Variants in ABI3BP observed in about 807,000 individuals in gnomAD.
ABI3BP encodes ABI family member 3 binding protein, also known as target of Nesh-SH3.
ABI3BP carries 216 observed loss-of-function variants against 268.6 expected under a neutral mutation model. That is an observed-to-expected ratio of 0.80 (90% confidence interval 0.72 to 0.90). The LOEUF (loss-of-function observed/expected upper bound fraction) is 0.90, where lower values mean the gene tolerates loss of function less well. Among genes scored for constraint, ABI3BP ranks in the 40% least tolerant of loss-of-function variants. The pLI, the probability that ABI3BP is intolerant of heterozygous loss-of-function variation, is 0.00. For synonymous variants in ABI3BP, 730 were observed against 730.0 expected, an observed-to-expected ratio of 1.00 and a Z score of 0.00; for missense variants, 2,090 against 2,182.4, an observed-to-expected ratio of 0.96 and a Z score of 0.84.
chr3:100,819,947 C>CAAAAAAAAA, intron 40 of ABI3BP, among the ~76,000 whole-genome samples: 1 of 94,640 alleles, frequency 1.1e-5, no homozygotes, highest in Non-Finnish European at 2.2e-5. Flanking sequence ...GACTCCGTCT[C>CAAAAAAAAA]AAAAAAAAAA....
At position 100,775,074 on chromosome 3, in the gene ABI3BP, A is replaced by G. The variant is rs115098152; in HGVS notation, c.4462+133T>C. The G allele has an allele frequency of 1.9e-3, 2,022 of 1,087,556 alleles. 31 individuals are homozygous for G. The African/African-American group carries it at 0.03, about 16-fold the overall frequency. The allele number at this position is 1,087,556 out of a possible 1,614,324, so 67.4% of individuals were successfully genotyped here. ...GAAAATAAGTATTATTTTAAAATTAAAAACAACCATATTAATCATAAAATG... is the reference window on the plus strand; with the variant it reads ...GAAAATAAGTATTATTTTAAAATTAGAAACAACCATATTAATCATAAAATG... On this transcript the variant is annotated intron_variant, in intron 60 of 67. Transcript: ENST00000471714.
intron 57 of ABI3BP, among the ~76,000 whole-genome samples, chr3:100,781,507 G>A (rs920167299): frequency 6.6e-6 from 1 of 152,134 alleles, no homozygotes; most frequent in Non-Finnish European, 1.5e-5. Flanking sequence ...ACAGGCAAAT[G>A]GTTCATTAGT....
chr3:100,766,290 C>T (rs534126008), intron 62 of ABI3BP, among the ~76,000 whole-genome samples: 2 of 152,344 alleles, frequency 1.3e-5, no homozygotes, highest in Admixed American at 1.3e-4. Context: ...TCTGCCGCTG[C>T]TGCAAAGCCC....
chr3:100,750,477 G>C lies in ABI3BP; in HGVS notation c.*18C>G. The C allele has an allele frequency of 6.4e-7, 1 of 1,570,466 alleles. No individual in the cohort carries two copies. The highest frequency in any genetic ancestry group is 1.7e-4 in the Middle Eastern group (1 of 5,974). Reference sequence around the variant, plus strand: ...TTTTGTTTGCAATGATGAAACAGAAGGTAACTTTGTGCAGCATCTACCATT... The same window carrying C: ...TTTTGTTTGCAATGATGAAACAGAACGTAACTTTGTGCAGCATCTACCATT... On this transcript the variant is annotated 3_prime_UTR_variant, in exon 68 of 68. Coordinates refer to ENST00000471714, the MANE Select transcript of ABI3BP (RefSeq NM_001375547.2).
chr3:100,828,742 C>T (rs1227022018), intron 33 of ABI3BP, among the ~76,000 whole-genome samples: 2 of 152,060 alleles, frequency 1.3e-5, no homozygotes, highest in African/African-American at 4.8e-5. Flanking sequence ...ACTAATAGAG[C>T]ATAGTAGATG....
intron 63 of ABI3BP, among the ~76,000 whole-genome samples, chr3:100,765,017 C>G (rs2096202721): frequency 6.6e-6 from 1 of 151,974 alleles, no homozygotes; most frequent in South Asian, 2.1e-4. Flanking sequence ...AGAAGAGTCT[C>G]CCTACTGTCA....
Position 100,764,248 on chromosome 3 carries a change from C to T in ABI3BP, c.4850+1593G>A, listed in dbSNP as rs115176883. Among the ~76,000 whole-genome samples, 547 of 152,256 alleles carry T rather than the reference C, an allele frequency of 3.6e-3. 4 individuals carry two copies. The highest frequency in any genetic ancestry group is 0.012 in the African/African-American group (515 of 41,542). On this transcript the variant is annotated intron_variant, in intron 63 of 67. Coordinates refer to ENST00000471714, the MANE Select transcript of ABI3BP (RefSeq NM_001375547.2). Reference sequence around the variant, plus strand: ...GGAAGATTTTCCTAATTTCTGATGACGTTGCGTAGTGCCTCCCACCCTGGG... The same window carrying T: ...GGAAGATTTTCCTAATTTCTGATGATGTTGCGTAGTGCCTCCCACCCTGGG...
At chr3:100,955,539 C>T (rs989625552) in intron 1 of ABI3BP, among the ~76,000 whole-genome samples, 1 of 152,142 alleles carries the variant, frequency 6.6e-6, no homozygotes, top group Non-Finnish European at 1.5e-5. Flanking sequence ...TATTCTCTGC[C>T]TGTATCCTCC....
intron 14 of ABI3BP, among the ~76,000 whole-genome samples, chr3:100,853,859 T>C (rs7619557): frequency 0.34 from 51,771 of 151,944 alleles, 9,234 homozygotes; most frequent in African/African-American, 0.43. Context: ...TTATCAAATA[T>C]ACTTAAGACA....
At chr3:100,827,048 G>C (rs1417405683) in intron 34 of ABI3BP, among the ~76,000 whole-genome samples, 1 of 152,046 alleles carries the variant, frequency 6.6e-6, no homozygotes, top group Non-Finnish European at 1.5e-5. Flanking sequence ...TGCAAATTGT[G>C]ATGTGACTTC....
At chr3:100,792,951 C>G (rs1207185810) in intron 54 of ABI3BP, among the ~76,000 whole-genome samples, 183 bp from the exon 55 acceptor site, 7 of 151,868 alleles carry the variant, frequency 4.6e-5, no homozygotes, top group African/African-American at 1.7e-4. Context: ...TTTATGATAT[C>G]TGCTGTTTTA....
At chr3:100,811,453 AT>A (rs1448493972) in intron 47 of ABI3BP, among the ~76,000 whole-genome samples, 176 bp from the exon 48 acceptor site, 8 of 152,270 alleles carry the variant, frequency 5.3e-5, no homozygotes, top group South Asian at 2.1e-4. Context: ...TAATCCTCCA[AT>A]TAATATTTAT....
intron 2 of ABI3BP, among the ~76,000 whole-genome samples, chr3:100,923,721 G>A (rs2060967134): frequency 6.6e-6 from 1 of 152,100 alleles, no homozygotes; most frequent in Non-Finnish European, 1.5e-5. Context: ...AAATTAAAAA[G>A]CAGATGAGAG....
chr3:100,895,854 G>T (rs939714910), intron 4 of ABI3BP, among the ~76,000 whole-genome samples: 2 of 152,264 alleles, frequency 1.3e-5, no homozygotes, highest in East Asian at 1.9e-4. Flanking sequence ...TGTAGTTCTG[G>T]CAGATTTATT....
At chr3:100,984,701 G>A (rs963130895) in intron 1 of ABI3BP, among the ~76,000 whole-genome samples, 4 of 152,190 alleles carry the variant, frequency 2.6e-5, no homozygotes, top group Admixed American at 6.5e-5. Context: ...GGAAACCCAA[G>A]CTAATATTAT....
intron 1 of ABI3BP, among the ~76,000 whole-genome samples, chr3:100,949,014 A>G (rs1297267407): frequency 6.6e-6 from 1 of 152,178 alleles, no homozygotes; most frequent in Non-Finnish European, 1.5e-5. Flanking sequence ...GTTCTTCCAG[A>G]TAGTTTTTCC....
chr3:100,831,640 A>C (rs2098496126), intron 31 of ABI3BP, among the ~76,000 whole-genome samples: 1 of 152,086 alleles, frequency 6.6e-6, no homozygotes, highest in African/African-American at 2.4e-5. Flanking sequence ...ACAGGAGGGT[A>C]TCAACGAGTT....
chr3:100,825,003 T>G lies in ABI3BP; in HGVS notation c.2663-62A>C, dbSNP rs1463899582. 26 of 1,394,016 alleles carry G rather than the reference T, an allele frequency of 1.9e-5. No homozygotes were observed. The East Asian group carries it at 2.3e-4, about 12-fold the overall frequency. The allele number at this position is 1,394,016 out of a possible 1,614,324, so 86.4% of individuals were successfully genotyped here. ...TATGATTCTGGATACTGAGGAAAGG[T>G]TTTTCCAAAGCTTGTCAGATCTCCT... On this transcript the variant is annotated intron_variant, in intron 35 of 67. Coordinates refer to ENST00000471714, the MANE Select transcript of ABI3BP (RefSeq NM_001375547.2).
intron 49 of ABI3BP, among the ~76,000 whole-genome samples, chr3:100,809,074 C>T (rs2097783771): frequency 6.6e-6 from 1 of 151,988 alleles, no homozygotes; most frequent in Non-Finnish European, 1.5e-5. Context: ...GAATCTTCTT[C>T]CTGATACTAA....
Sources: allele counts gnomAD v4.1 joint callset (sites outside exome capture counted in the v4.1 genomes callset), GRCh38; gene constraint gnomAD v4.1.1; transcripts MANE v1.5; gene names NCBI Gene and HGNC (gene_info 2026-07-23, HGNC 2026-07-21).